Variants in COL4A1 observed in about 807,000 individuals in gnomAD.
COL4A1 encodes collagen alpha-1(IV) chain.
A neutral mutation model predicts 216.6 loss-of-function variants in COL4A1; 40 were observed. That is an observed-to-expected ratio of 0.18 (90% CI 0.14 to 0.24). The LOEUF (loss-of-function observed/expected upper bound fraction) is 0.24. COL4A1 is among the 10% of genes least tolerant of loss of function. The pLI is 1.00. For missense variants in COL4A1, 1,628 were observed against 2,196.8 expected (o/e 0.74, Z 5.18); for synonymous variants, 839 against 810.7 (o/e 1.03, Z -0.59).
Position 110,169,767 on chromosome 13 carries a change from T to C in COL4A1, c.3743-5A>G, listed in dbSNP as rs1877520426. The C allele has an allele frequency of 6.2e-7, 1 of 1,613,660 alleles. No individual in the cohort carries two copies. The highest frequency in any genetic ancestry group is 1.3e-5 in the African/African-American group (1 of 74,776). ...GCCCCATGGGTCCCGGAAGTCCTAA[T>C]GGAAGAGAAGAAAGCCACACATTTG... is the stretch of plus-strand genomic sequence containing the variant. On this transcript the variant is annotated splice_polypyrimidine_tract_variant and splice_region_variant and intron_variant, in intron 42 of 51. Transcript: ENST00000375820.
At position 110,213,845 on chromosome 13, in the gene COL4A1, G is replaced by A. The variant is rs773467513; in HGVS notation, c.235-19C>T. ...TATCACCCTGGAACAGAATAGAAATGCCATTGTCATTGATCACCGCTATCT... is the reference window on the plus strand; with the variant it reads ...TATCACCCTGGAACAGAATAGAAATACCATTGTCATTGATCACCGCTATCT... On this transcript the variant is annotated intron_variant, in intron 3 of 51. Transcript: ENST00000375820. 1.2e-6 allele frequency: 2 copies of A among 1,613,884 alleles called. No individual in the cohort carries two copies. Among genetic ancestry groups the A allele is most frequent in the Non-Finnish European group, 1.7e-6 (2 of 1,179,940 alleles).
intron 1 of COL4A1, among the ~76,000 whole-genome samples, chr13:110,281,949 T>C (rs1883648769): frequency 6.6e-6 from 1 of 152,226 alleles, no homozygotes; most frequent in Non-Finnish European, 1.5e-5. Context: ...CATCAGTTTA[T>C]GCCTGAAACA....
In COL4A1 at chr13:110,203,452, G is replaced by A. The variant is rs141487845; in HGVS notation, c.999+114C>T. On this transcript the variant is annotated intron_variant, in intron 18 of 51. Transcript: ENST00000375820. ...CATCTCCTCTCCTTCCTCTCCCAGC[G>A]CTCTCACAGACCCAGGGTCCTCTCC... is the stretch of plus-strand genomic sequence containing the variant. 1.0e-4 allele frequency: 117 copies of A among 1,148,590 alleles called. 1 individual carries two copies. The African/African-American group carries it at 1.3e-3, about 12-fold the overall frequency. 71.1% of individuals were successfully genotyped at this position (1,148,590 alleles called of 1,614,324 possible). A position where few individuals can be genotyped will look rare whatever the true frequency, so the allele number is the denominator to read the frequency against.
At chr13:110,298,533 C>CT (rs1220452162) in intron 1 of COL4A1, 2 of 152,230 alleles carry the variant, frequency 1.3e-5, no homozygotes, top group African/African-American at 4.8e-5. Context: ...CATTTTCCTG[C>CT]TTTGGTAAGT....
At chr13:110,291,437 C>T (rs570984484) in intron 1 of COL4A1, among the ~76,000 whole-genome samples, 66 of 152,260 alleles carry the variant, frequency 4.3e-4, no homozygotes, top group African/African-American at 8.2e-4. Context: ...TGCACGGGAG[C>T]GCCATTAGTA....
intron 45 of COL4A1, among the ~76,000 whole-genome samples, chr13:110,165,516 C>G (rs1420859292): frequency 6.6e-6 from 1 of 151,934 alleles, no homozygotes; most frequent in Non-Finnish European, 1.5e-5. Context: ...CTCAGCCTCC[C>G]CGTTTTCAGC....
intron 1 of COL4A1, among the ~76,000 whole-genome samples, chr13:110,264,013 C>T (rs894161254): frequency 6.6e-6 from 1 of 152,188 alleles, no homozygotes; most frequent in African/African-American, 2.4e-5. Flanking sequence ...CATCCTCATC[C>T]CTCGCACTGC....
intron 18 of COL4A1, 123 bp downstream of exon 18, chr13:110,203,443 T>A: frequency 9.3e-7 from 1 of 1,072,466 alleles, no homozygotes. Context: ...CTCTCCTTCC[T>A]CTCCCAGCGC....
chr13:110,172,188 C>T (rs544033422), intron 41 of COL4A1, among the ~76,000 whole-genome samples: 14 of 152,222 alleles, frequency 9.2e-5, no homozygotes, highest in Admixed American at 2.6e-4. Flanking sequence ...TCTTCAGTGT[C>T]GTGCAGCTCA....
intron 20 of COL4A1, among the ~76,000 whole-genome samples, 196 bp from the exon 21 acceptor site, chr13:110,198,827 C>T (rs752292971): frequency 1.6e-4 from 25 of 152,200 alleles, no homozygotes; most frequent in Non-Finnish European, 3.1e-4. Context: ...ATGTTTCCTA[C>T]AAATTAACTT....
chr13:110,274,698 G>C lies in COL4A1; in HGVS notation c.85-31964C>G, dbSNP rs576254838. Reference sequence around the variant, plus strand: ...CAGGAAAAGAAACCAAGAGTGGCCTGGCTGTGCACTGATAGCCACAGTATC... The same window carrying C: ...CAGGAAAAGAAACCAAGAGTGGCCTCGCTGTGCACTGATAGCCACAGTATC... On this transcript the variant is annotated intron_variant, in intron 1 of 51. Coordinates refer to ENST00000375820, the MANE Select transcript of COL4A1 (RefSeq NM_001845.6). Among the ~76,000 whole-genome samples, 32 of 152,284 alleles carry C rather than the reference G, an allele frequency of 2.1e-4. No homozygotes were observed. In the South Asian group the frequency reaches 6.4e-3, roughly 31 times the overall value.
At chr13:110,236,275 C>G (rs1881312421) in intron 2 of COL4A1, among the ~76,000 whole-genome samples, 1 of 152,180 alleles carries the variant, frequency 6.6e-6, no homozygotes, top group Non-Finnish European at 1.5e-5. Flanking sequence ...ATTCAACAGA[C>G]TGGAAAATCT....
intron 1 of COL4A1, among the ~76,000 whole-genome samples, chr13:110,255,349 TGAG>T: frequency 6.7e-6 from 1 of 150,082 alleles, no homozygotes; most frequent in African/African-American, 2.5e-5. Flanking sequence ...GGAAGGGAAA[TGAG>T]GAGACTTGCA....
chr13:110,254,103 A>T (rs1320768609), intron 1 of COL4A1, among the ~76,000 whole-genome samples: 2 of 152,168 alleles, frequency 1.3e-5, no homozygotes, highest in East Asian at 3.8e-4. Flanking sequence ...CCTTCAGAAG[A>T]ACTCCCAACT....
At chr13:110,246,884 C>T (rs1433156801) in intron 1 of COL4A1, among the ~76,000 whole-genome samples, 2 of 152,200 alleles carry the variant, frequency 1.3e-5, no homozygotes, top group South Asian at 4.2e-4. Flanking sequence ...ACACTTAACC[C>T]GAGTGGTCAT....
At chr13:110,301,585 T>C (rs1159705326) in intron 1 of COL4A1, among the ~76,000 whole-genome samples, 1 of 152,186 alleles carries the variant, frequency 6.6e-6, no homozygotes, top group East Asian at 1.9e-4. Context: ...CTGGATTTTT[T>C]AAAATCCAGA....
chr13:110,306,934 G>T lies in COL4A1; in HGVS notation c.84+10C>A. The T allele has an allele frequency of 4.1e-6, 6 of 1,468,182 alleles. No homozygotes were observed. Among genetic ancestry groups the T allele is most frequent in the South Asian group, 2.6e-5 (2 of 76,658 alleles). 90.9% of individuals were successfully genotyped at this position (1,468,182 alleles called of 1,614,324 possible). A position where few individuals can be genotyped will look rare whatever the true frequency, so the allele number is the denominator to read the frequency against. On this transcript the variant is annotated intron_variant, in intron 1 of 51. Coordinates refer to ENST00000375820, the MANE Select transcript of COL4A1 (RefSeq NM_001845.6). ...CGGGACGCCGGGAGCGGAGCTGGCC[G>T]GGAACTCACCTTCGCAGCGGCCCGG...
At chr13:110,203,427 C>G (rs1171453634) in intron 18 of COL4A1, 139 bp downstream of exon 18, 2 of 863,952 alleles carry the variant, frequency 2.3e-6, no homozygotes, top group Non-Finnish European at 3.9e-6. Flanking sequence ...GTGTGCCCTG[C>G]ATCTCCTCTC....
intron 50 of COL4A1, among the ~76,000 whole-genome samples, 155 bp from the exon 51 acceptor site, chr13:110,152,661 T>C (rs867947291): frequency 1.3e-5 from 2 of 152,332 alleles, no homozygotes; most frequent in South Asian, 4.1e-4. Flanking sequence ...GTGCCCAAAT[T>C]ATCGGGCTGG....
Sources: allele counts gnomAD v4.1 joint callset (sites outside exome capture counted in the v4.1 genomes callset), GRCh38; gene constraint gnomAD v4.1.1; transcripts MANE v1.5; gene names NCBI Gene and HGNC (gene_info 2026-07-23, HGNC 2026-07-21).